UBR3: variants seen among roughly 807,000 people sequenced by gnomAD.
The protein encoded by UBR3 is E3 ubiquitin-protein ligase UBR3.
In UBR3, 85 loss-of-function variants were observed where a neutral mutation model predicts 243.2. The observed-to-expected ratio is 0.35, with a 90% CI of 0.29 to 0.42. UBR3 has a LOEUF of 0.42. UBR3 is among the 10% of genes least tolerant of loss of function. The probability of loss-of-function intolerance (pLI) is 1.00; values close to 1 mark genes in which losing one functional copy is unlikely to be tolerated. For missense variants in UBR3, 1,686 were observed against 2,300.8 expected (o/e 0.73, Z 5.47); for synonymous variants, 748 against 799.8 (o/e 0.94, Z 1.09).
intron 29 of UBR3, among the ~76,000 whole-genome samples, chr2:170,012,790 G>A (rs1574395575): frequency 6.6e-6 from 1 of 151,750 alleles, no homozygotes; most frequent in Middle Eastern, 3.4e-3. Flanking sequence ...CCAAACCAAC[G>A]TGTGTTTGAG....
At chr2:170,068,134 A>T (rs1453968474) in intron 35 of UBR3, among the ~76,000 whole-genome samples, 2 of 152,100 alleles carry the variant, frequency 1.3e-5, no homozygotes, top group African/African-American at 4.8e-5. Flanking sequence ...GATCCAGCTA[A>T]AGCAGTTCTT....
chr2:169,941,632 C>G (rs982163608), intron 19 of UBR3, among the ~76,000 whole-genome samples: 3 of 152,150 alleles, frequency 2.0e-5, no homozygotes, highest in African/African-American at 7.2e-5. Context: ...TTATCACTTA[C>G]TGTTGTTAAT....
intron 27 of UBR3, among the ~76,000 whole-genome samples, chr2:170,001,911 T>TAAAAAAAAAAA (rs2089714210): frequency 1.3e-4 from 1 of 7,670 alleles, no homozygotes; most frequent in African/African-American, 6.7e-4. Flanking sequence ...AGACTCCATC[T>TAAAAAAAAAAA]CAAAAAAAAA....
intron 1 of UBR3, among the ~76,000 whole-genome samples, chr2:169,861,606 CAAAA>C (rs56963417): frequency 4.3e-5 from 4 of 92,098 alleles, no homozygotes; most frequent in Non-Finnish European, 9.5e-5. Context: ...GACTCTGTCT[CAAAA>C]AAAAAAAAAA....
At position 169,950,419 on chromosome 2, in the gene UBR3, C is replaced by T. The variant is rs531685998; in HGVS notation, c.3545+354C>T. Among the ~76,000 whole-genome samples the T allele has an allele frequency of 9.2e-5, 14 of 152,098 alleles. No individual in the cohort carries two copies. In the South Asian group the frequency reaches 2.1e-3, roughly 23 times the overall value. ...AATATTAAAAATATTTAAAATATTT[C>T]TCAAAATAAAAATCCAACTGCTTTA... On this transcript the variant is annotated intron_variant, in intron 23 of 38. Coordinates refer to ENST00000272793, the MANE Select transcript of UBR3 (RefSeq NM_172070.4).
At chr2:169,860,451 C>T (rs924241733) in intron 1 of UBR3, among the ~76,000 whole-genome samples, 1 of 152,156 alleles carries the variant, frequency 6.6e-6, no homozygotes, top group Non-Finnish European at 1.5e-5. Flanking sequence ...GAAGATTCTA[C>T]GTGATTCCCA....
At chr2:169,881,425 C>T (rs2083819652) in intron 5 of UBR3, among the ~76,000 whole-genome samples, 2 of 151,894 alleles carry the variant, frequency 1.3e-5, no homozygotes, top group Admixed American at 1.3e-4. Context: ...GTGATCCGCC[C>T]ACCTTGGCCT....
chr2:169,948,418 T>C (rs902968756), intron 22 of UBR3, among the ~76,000 whole-genome samples: 2 of 152,046 alleles, frequency 1.3e-5, no homozygotes, highest in Non-Finnish European at 2.9e-5. Context: ...TTTGGACTCA[T>C]TTTGAAAATC....
At chr2:169,966,533 A>T (rs1482890879) in intron 24 of UBR3, among the ~76,000 whole-genome samples, 4 of 152,258 alleles carry the variant, frequency 2.6e-5, no homozygotes, top group Middle Eastern at 3.4e-3. Context: ...GAATTTCCCT[A>T]CATTATTATT....
At chr2:169,828,606 A>C (rs1174580715) in intron 1 of UBR3, among the ~76,000 whole-genome samples, 2 of 151,534 alleles carry the variant, frequency 1.3e-5, no homozygotes, top group Non-Finnish European at 2.9e-5. Flanking sequence ...GGAGCTCTTG[A>C]GGGTTGAGGG....
At position 169,914,089 on chromosome 2, in the gene UBR3, T is replaced by C; in HGVS notation, c.1809T>C (p.Val603=). The C allele has an allele frequency of 6.6e-7, 1 of 1,509,226 alleles. No individual in the cohort carries two copies. The highest frequency in any genetic ancestry group is 1.3e-5 in the South Asian group (1 of 75,518). The allele number at this position is 1,509,226 out of a possible 1,614,324, so 93.5% of individuals were successfully genotyped here. ...RETQEYTRNV[V]RYCLEALQDW... is the part of the protein sequence containing the mutation. The stretch of plus-strand genomic sequence containing the variant: ...CTCAAGAGTATACCCGAAATGTTGT[T>C]AGATATTGCCTTGAAGCTCTTCAAG... Residue 603 remains valine (V), a synonymous_variant, in exon 11 of 39, where the codon GTT becomes GTC. Transcript: ENST00000272793.
chr2:170,025,705 G>C (rs887473491), intron 30 of UBR3, among the ~76,000 whole-genome samples: 4 of 152,168 alleles, frequency 2.6e-5, no homozygotes, highest in East Asian at 3.9e-4. Flanking sequence ...ACAGTGTAGT[G>C]GCAGAGTGGT....
chr2:169,844,240 C>T (rs2082392639), intron 1 of UBR3, among the ~76,000 whole-genome samples: 1 of 152,070 alleles, frequency 6.6e-6, no homozygotes, highest in South Asian at 2.1e-4. Flanking sequence ...CTCAGGCGAT[C>T]CACCCGCCTC....
At chr2:169,884,740 C>T (rs10445761) in intron 5 of UBR3, among the ~76,000 whole-genome samples, 71,044 of 151,676 alleles carry the variant, frequency 0.47, 18,532 homozygotes, top group Non-Finnish European at 0.6. Context: ...ATTGAGTTTG[C>T]GCGATTTATT....
At chr2:169,925,499 G>T in intron 13 of UBR3, 120 bp from the exon 14 acceptor site, 1 of 872,542 alleles carries the variant, frequency 1.1e-6, no homozygotes, top group Non-Finnish European at 1.6e-6. Context: ...CTTTAACATT[G>T]GACAGAATAT....
rs371134013 is a variant in UBR3 at position 170,063,626 on chromosome 2, T to A, written c.5019+2183T>A. On this transcript the variant is annotated intron_variant, in intron 35 of 38. Coordinates refer to ENST00000272793, the MANE Select transcript of UBR3 (RefSeq NM_172070.4). ...CCATTCTGAGTAGCATGATGAAATC[T>A]CATGCTGTCTTGTTTGGGACATAAA... Among the ~76,000 whole-genome samples, 107 of 152,324 alleles carry A rather than the reference T, an allele frequency of 7.0e-4. 1 individual carries two copies. The South Asian group carries it at 0.021, about 30-fold the overall frequency.
intron 22 of UBR3, chr2:169,948,087 T>A (rs113390167): frequency 0.045 from 14,701 of 328,146 alleles, 415 homozygotes; most frequent in Middle Eastern, 0.056. Context: ...GTGTTTTTTT[T>A]TTTTGACAAA....
intron 36 of UBR3, chr2:170,077,560 C>T: frequency 1.6e-6 from 1 of 628,252 alleles, no homozygotes; most frequent in Non-Finnish European, 2.8e-6. Context: ...AGTAACCATC[C>T]TCCTCTATGC....
At chr2:169,876,023 C>T in intron 3 of UBR3, 74 bp downstream of exon 3, 1 of 1,195,392 alleles carries the variant, frequency 8.4e-7, no homozygotes, top group Non-Finnish European at 1.1e-6. Flanking sequence ...TCTTTTAGAA[C>T]TTAAAGGTAA....
Sources: allele counts gnomAD v4.1 joint callset (sites outside exome capture counted in the v4.1 genomes callset), GRCh38; gene constraint gnomAD v4.1.1; transcripts MANE v1.5; gene names NCBI Gene and HGNC (gene_info 2026-07-23, HGNC 2026-07-21).